CHD7: variants seen among roughly 807,000 people sequenced by gnomAD.
CHD7 encodes the protein ATP-dependent chromatin remodeler CHD7.
CHD7 carries 24 observed loss-of-function variants against 307.3 expected under a neutral mutation model. The observed-to-expected ratio is 0.08, with a 90% confidence interval of 0.06 to 0.11. CHD7 has a LOEUF of 0.11. Ranked by LOEUF, CHD7 falls within the 10% of genes least tolerant of loss-of-function variation. The pLI, the probability that CHD7 is intolerant of heterozygous loss-of-function variation, is 1.00. For synonymous variants in CHD7, 1,363 were observed against 1,349.9 expected, an observed-to-expected ratio of 1.01 and a Z score of -0.21; for missense variants, 3,106 against 3,727.1, an observed-to-expected ratio of 0.83 and a Z score of 4.34.
At chr8:60,820,171 A>T (rs974246059) in intron 9 of CHD7, 81 bp downstream of exon 9, 2 of 867,358 alleles carry the variant, frequency 2.3e-6, no homozygotes, top group Non-Finnish European at 3.7e-6. Context: ...AGAATCCTAG[A>T]CCTGGTCTTG....
intron 3 of CHD7, among the ~76,000 whole-genome samples, chr8:60,791,187 T>C (rs969096585): frequency 6.6e-6 from 1 of 152,182 alleles, no homozygotes; most frequent in Non-Finnish European, 1.5e-5. Flanking sequence ...ATTACCATGA[T>C]GCTGAGGTGG....
rs922023880 is a variant in CHD7, at chr8:60,866,949, T to A, written c.*1016T>A. 7.9e-5 allele frequency: 12 copies of A among 152,508 alleles called. No individual in the cohort carries two copies. Among genetic ancestry groups the A allele is most frequent in the Admixed American group, 6.5e-4 (10 of 15,304 alleles). The allele number at this position is 152,508 out of a possible 1,614,324, so 9.4% of individuals were successfully genotyped here. A position where few individuals can be genotyped will look rare whatever the true frequency, so the allele number is the denominator to read the frequency against. On this transcript the variant is annotated 3_prime_UTR_variant, in exon 38 of 38. Transcript: ENST00000423902. ...TAGGGAAACTGGTGTTCACTCTATT[T>A]TTTTTGTATTCGCAATAGATGCAAA...
chr8:60,779,502 G>T (rs369406678), intron 2 of CHD7, among the ~76,000 whole-genome samples: 9 of 152,114 alleles, frequency 5.9e-5, no homozygotes, highest in South Asian at 4.1e-4. Context: ...GAAAGTTGGG[G>T]GTAAATTATC....
At chr8:60,856,331 C>T in intron 33 of CHD7, 114 bp from the exon 34 acceptor site, 4 of 1,251,928 alleles carry the variant, frequency 3.2e-6, no homozygotes, top group Non-Finnish European at 4.4e-6. Context: ...CTCTGTGCAC[C>T]AGTCATGAAT....
At chr8:60,812,548 C>A (rs1563621867) in intron 7 of CHD7, among the ~76,000 whole-genome samples, 1 of 151,484 alleles carries the variant, frequency 6.6e-6, no homozygotes, top group Admixed American at 6.6e-5. Flanking sequence ...CCTGTAATCC[C>A]AGCTACTCGG....
At chr8:60,737,992 T>C (rs1808792606) in intron 1 of CHD7, among the ~76,000 whole-genome samples, 1 of 152,240 alleles carries the variant, frequency 6.6e-6, no homozygotes, top group South Asian at 2.1e-4. Context: ...TAATTGTGAT[T>C]TGAGAGTTAA....
rs1806208403 is a variant in CHD7, at chr8:60,865,603, A to G, written c.8664A>G (p.Leu2888=). ...CGGCTGGATTGCCCTCAAACCCGCT[A>G]GCCTTCAACCCTTTCCTCCTGTCCA... is the stretch of plus-strand genomic sequence containing the variant. The part of the protein sequence containing the change: ...TAPAGLPSNP[L]AFNPFLLSTM... The change falls in exon 38 of 38, where the codon CTA becomes CTG. Residue 2888 remains leucine (L), a synonymous_variant. Transcript: ENST00000423902. This position sits in a 1 kb window ranked among gnomAD's most constrained non-coding sequence, Gnocchi z 4.3. 6.2e-7 allele frequency: 1 copy of G among 1,613,950 alleles called. No homozygotes were observed. The highest frequency in any genetic ancestry group is 8.5e-7 in the Non-Finnish European group (1 of 1,179,836).
rs138032837 is a variant in CHD7, at chr8:60,717,306, A to G, written c.-174-23953A>G. Reference sequence around the variant, plus strand: ...ATTTAGTTATACTTGTTGGCTGCAGAGTAAACACTTTGGTTATTAGACTTA... The same window carrying G: ...ATTTAGTTATACTTGTTGGCTGCAGGGTAAACACTTTGGTTATTAGACTTA... On this transcript the variant is annotated intron_variant, in intron 1 of 37. Transcript: ENST00000423902. 4.8e-3 allele frequency among the ~76,000 whole-genome samples: 725 copies of G among 152,362 alleles called. 5 individuals carry two copies. Among genetic ancestry groups the G allele is most frequent in the Middle Eastern group, 6.8e-3 (2 of 294 alleles).
In CHD7 at chr8:60,704,731, G is replaced by A. The variant is rs367598988; in HGVS notation, c.-175+25649G>A. Among the ~76,000 whole-genome samples the A allele has an allele frequency of 1.4e-3, 215 of 152,114 alleles. 3 individuals carry two copies. The highest frequency in any genetic ancestry group is 4.8e-3 in the African/African-American group (201 of 41,494). On this transcript the variant is annotated intron_variant, in intron 1 of 37. Transcript: ENST00000423902. ...ATGAGTTGGGTGTGGGAAACCACAG[G>A]GGCAGAATGTGTCCTAGGTGACACA... is the stretch of plus-strand genomic sequence containing the variant.
At chr8:60,858,880 GATTACAGGCAATCATGTTCAGT>G in intron 34 of CHD7, among the ~76,000 whole-genome samples, 1 of 152,322 alleles carries the variant, frequency 6.6e-6, no homozygotes. Context: ...GAAGTACTGG[GATTACAGGCAATCATGTTCAGT>G]ATTTGGATCA....
chr8:60,702,902 C>G (rs6981399), intron 1 of CHD7, among the ~76,000 whole-genome samples: 9 of 152,072 alleles, frequency 5.9e-5, no homozygotes, highest in Admixed American at 5.9e-4. Flanking sequence ...AGAGAGTGAG[C>G]GAGAGAGCGC....
chr8:60,750,315 T>C (rs1198496137), intron 2 of CHD7, among the ~76,000 whole-genome samples: 2 of 152,228 alleles, frequency 1.3e-5, no homozygotes, highest in Admixed American at 1.3e-4. Context: ...AATACTTATT[T>C]AGTGCCTGTT....
intron 6 of CHD7, among the ~76,000 whole-genome samples, chr8:60,803,447 C>G (rs1412262737): frequency 6.6e-6 from 1 of 151,950 alleles, no homozygotes; most frequent in Non-Finnish European, 1.5e-5. Context: ...AAATAGGTAC[C>G]CATGGTTTAG....
rs538007627 is a variant in CHD7, at chr8:60,688,191, C to T, written c.-175+9109C>T. Among the ~76,000 whole-genome samples, 28 of 152,242 alleles carry T rather than the reference C, an allele frequency of 1.8e-4. No homozygotes were observed. The South Asian group carries it at 3.5e-3, about 19-fold the overall frequency. ...TTCTTGTGGAGGTTGCCTTCTGAGG[C>T]GGCTGAGAATTTGAGTTTTGATGTC... On this transcript the variant is annotated intron_variant, in intron 1 of 37. Coordinates refer to ENST00000423902, the MANE Select transcript of CHD7 (RefSeq NM_017780.4).
At chr8:60,861,378 C>A in intron 35 of CHD7, 1 of 395,336 alleles carries the variant, frequency 2.5e-6, no homozygotes. Flanking sequence ...TTGCTTCTCC[C>A]ATCAAACTCA....
At chr8:60,710,215 G>T (rs1021896759) in intron 1 of CHD7, among the ~76,000 whole-genome samples, 1 of 149,136 alleles carries the variant, frequency 6.7e-6, no homozygotes, top group Non-Finnish European at 1.5e-5. Context: ...TAATTCTTGT[G>T]CAAACTTTGA....
chr8:60,680,508 G>T (rs1220214022), intron 1 of CHD7, among the ~76,000 whole-genome samples: 1 of 151,658 alleles, frequency 6.6e-6, no homozygotes, highest in Non-Finnish European at 1.5e-5. Flanking sequence ...CATCATTACC[G>T]AGCCGCCTTT....
intron 4 of CHD7, among the ~76,000 whole-genome samples, chr8:60,798,077 C>T (rs758098720): frequency 4.9e-4 from 75 of 152,224 alleles, no homozygotes; most frequent in Non-Finnish European, 8.8e-4. Context: ...CACAAAATTA[C>T]TTGTCCAAGG....
intron 3 of CHD7, among the ~76,000 whole-genome samples, chr8:60,794,210 G>A (rs558226108): frequency 3.9e-5 from 6 of 152,206 alleles, no homozygotes; most frequent in African/African-American, 1.4e-4. Context: ...AGGTTCTAGA[G>A]GTAATGGCAA....
Sources: gnomAD v4.1 joint callset for allele counts (sites outside exome capture counted in the v4.1 genomes callset) on GRCh38, gnomAD v4.1.1 for gene constraint, Gnocchi (gnomAD v3.1) non-coding constraint, MANE v1.5 for transcripts, NCBI Gene and HGNC (gene_info 2026-07-23, HGNC 2026-07-21) for gene names.